CASP4: variants seen among roughly 807,000 people sequenced by gnomAD.
The protein encoded by CASP4 is caspase 4.
In CASP4, 29 loss-of-function variants were observed where a neutral mutation model predicts 41.3. The ratio of observed to expected loss-of-function variants is 0.70; its 90% CI spans 0.52 to 0.96. CASP4 has a LOEUF of 0.96. CASP4 is among the 40% of genes least tolerant of loss of function. The pLI, the probability that CASP4 is intolerant of heterozygous loss-of-function variation, is 0.00. For missense variants in CASP4, 447 were observed against 460.6 expected (o/e 0.97, Z 0.27); for synonymous variants, 185 against 158.4 (o/e 1.17, Z -1.26).
At chr11:104,959,386 C>A (rs1328622544) in intron 1 of CASP4, among the ~76,000 whole-genome samples, 1 of 152,052 alleles carries the variant, frequency 6.6e-6, no homozygotes, top group African/African-American at 2.4e-5. Flanking sequence ...AGACTCTAAA[C>A]AGGTTAAACT....
At chr11:104,962,333 C>T (rs1162952238) in intron 1 of CASP4, among the ~76,000 whole-genome samples, 2 of 152,158 alleles carry the variant, frequency 1.3e-5, no homozygotes, top group Non-Finnish European at 2.9e-5. Context: ...TCTGGTCTCT[C>T]TCTCTTTCTC....
Position 104,954,861 on chromosome 11 carries a change from T to C in CASP4, c.148A>G (p.Thr50Ala), listed in dbSNP as rs1860699040. 1.2e-6 allele frequency: 2 copies of C among 1,613,758 alleles called. No homozygotes were observed. The highest frequency in any genetic ancestry group is 2.2e-5 in the South Asian group (2 of 91,076). Residue 50 changes from threonine to alanine, a missense_variant, in exon 2 of 9, where the codon ACT (threonine) becomes GCT (alanine). Coordinates refer to ENST00000444739, the MANE Select transcript of CASP4 (RefSeq NM_001225.4). The stretch of plus-strand genomic sequence containing the variant: ...GCCATGACCCGAACTTTGTCTTCAG[T>C]TTTAGCATCGTAATATTTCTTTTTT... The part of the protein sequence containing the change: ...EEKKKYYDAK[T>A]EDKVRVMADS...
In CASP4 at chr11:104,954,864, T is replaced by C. The variant is rs1334725990; in HGVS notation, c.145A>G (p.Lys49Glu). Residue 49 changes from lysine (K) to glutamate (E), a missense_variant, in exon 2 of 9, where the codon AAA (lysine) becomes GAA (glutamate). Transcript: ENST00000444739. ...EEEKKKYYDA[K>E]TEDKVRVMAD... ...ATGACCCGAACTTTGTCTTCAGTTTTAGCATCGTAATATTTCTTTTTTTCC... is the reference window on the plus strand; with the variant it reads ...ATGACCCGAACTTTGTCTTCAGTTTCAGCATCGTAATATTTCTTTTTTTCC... The C allele has an allele frequency of 3.1e-6, 5 of 1,613,896 alleles. No individual in the cohort carries two copies. In the Admixed American group the frequency reaches 6.7e-5, roughly 22 times the overall value.
chr11:104,944,955 G>T, intron 7 of CASP4, 104 bp from the exon 8 acceptor site: 1 of 796,982 alleles, frequency 1.3e-6, no homozygotes, highest in East Asian at 2.6e-5. Flanking sequence ...TGAGCTTGCA[G>T]GTTTCATAGA....
chr11:104,942,982 G>A lies in CASP4; in HGVS notation c.*6-9C>T. On this transcript the variant is annotated splice_polypyrimidine_tract_variant and intron_variant, in intron 8 of 8. Coordinates refer to ENST00000444739, the MANE Select transcript of CASP4 (RefSeq NM_001225.4). ...GGGCTGCTTGTGGCTTCCTGCAGGG[G>A]AGAGAAAAAACAGAAGGTCAAGATG... 1 of 454,808 alleles carries A rather than the reference G, an allele frequency of 2.2e-6. No individual in the cohort carries two copies. The highest frequency in any genetic ancestry group is 4.4e-6 in the Non-Finnish European group (1 of 226,834). 28.2% of individuals were successfully genotyped at this position (454,808 alleles called of 1,614,324 possible).
At chr11:104,964,642 A>G (rs1192398112) in intron 1 of CASP4, among the ~76,000 whole-genome samples, 1 of 152,200 alleles carries the variant, frequency 6.6e-6, no homozygotes, top group East Asian at 1.9e-4. Context: ...GAGCCAATAA[A>G]AGCCCCTTGG....
At chr11:104,968,174 G>A (rs1360268147) in intron 1 of CASP4, among the ~76,000 whole-genome samples, 2 of 152,106 alleles carry the variant, frequency 1.3e-5, no homozygotes, top group Non-Finnish European at 2.9e-5. Context: ...TGTGATCTGG[G>A]CAATTAATTT....
At chr11:104,965,541 T>C (rs1392282655) in intron 1 of CASP4, among the ~76,000 whole-genome samples, 1 of 152,192 alleles carries the variant, frequency 6.6e-6, no homozygotes, top group East Asian at 1.9e-4. Flanking sequence ...GTGAAAGAAA[T>C]AAGACCTAAC....
At chr11:104,958,833 C>T (rs56014702) in intron 1 of CASP4, among the ~76,000 whole-genome samples, 23,182 of 151,278 alleles carry the variant, frequency 0.15, 1,960 homozygotes, top group African/African-American at 0.21. Context: ...TGGTGGTGGG[C>T]GCCTGTAATC....
At position 104,954,988 on chromosome 11, in the gene CASP4, T is replaced by G; in HGVS notation, c.21A>C (p.Arg7Ser). The change falls in exon 2 of 9, where the codon AGA becomes AGC. Residue 7 changes from arginine to serine, a missense_variant. Arg to Ser is a moderately radical substitution (Grantham distance 110). Coordinates refer to ENST00000444739, the MANE Select transcript of CASP4 (RefSeq NM_001225.4). ...ATTCCAACACCTTAAGTGGCTTTTT[T>G]CTGTGGTTGCCTTCTGTTAGAAATA... Reference protein sequence around the residue: MAEGNHRKKPLKVLESL... With the variant: MAEGNHSKKPLKVLESL... 6.2e-7 allele frequency: 1 copy of G among 1,613,100 alleles called. No homozygotes were observed. Among genetic ancestry groups the G allele is most frequent in the South Asian group, 1.1e-5 (1 of 91,010 alleles).
At chr11:104,953,516 C>G (rs1860664425) in intron 2 of CASP4, among the ~76,000 whole-genome samples, 1 of 152,076 alleles carries the variant, frequency 6.6e-6, no homozygotes, top group Non-Finnish European at 1.5e-5. Flanking sequence ...AACTAAAAAC[C>G]TGCAAAGGGA....
intron 2 of CASP4, among the ~76,000 whole-genome samples, chr11:104,953,387 C>A (rs2134644235): frequency 6.6e-6 from 1 of 152,256 alleles, no homozygotes; most frequent in South Asian, 2.1e-4. Context: ...ATTGTGATAT[C>A]TGGGTTTGCT....
Position 104,955,136 on chromosome 11 carries a change from A to G in CASP4, c.8-135T>C. On this transcript the variant is annotated intron_variant, in intron 1 of 8. Transcript: ENST00000444739. ...TCACCATCTGTCTTCTTGTACCTAT[A>G]GAGTTCTGTCATTCATCATATTCCT... 15 of 831,566 alleles carry G rather than the reference A, an allele frequency of 1.8e-5. No homozygotes were observed. The South Asian group carries it at 2.7e-4, about 15-fold the overall frequency. 51.5% of individuals were successfully genotyped at this position (831,566 alleles called of 1,614,324 possible). A position where few individuals can be genotyped will look rare whatever the true frequency, so the allele number is the denominator to read the frequency against.
intron 4 of CASP4, 122 bp downstream of exon 4, chr11:104,950,797 TACACAC>T (rs34213327): frequency 2.6e-5 from 12 of 464,982 alleles, no homozygotes; most frequent in Admixed American, 7.3e-5. Context: ...TTATTTTGTA[TACACAC>T]ACACACACAC....
At position 104,964,129 on chromosome 11, in the gene CASP4, A is replaced by G. The variant is rs1165233150; in HGVS notation, c.7+4390T>C. On this transcript the variant is annotated intron_variant, in intron 1 of 8. Transcript: ENST00000444739. Reference sequence around the variant, plus strand: ...AAGTAAGCAAAATTCCTAGTCAATTATAGCTTTAATAGTGTCTATAGACTT... The same window carrying G: ...AAGTAAGCAAAATTCCTAGTCAATTGTAGCTTTAATAGTGTCTATAGACTT... Among the ~76,000 whole-genome samples the G allele has an allele frequency of 3.3e-5, 5 of 152,362 alleles. No homozygotes were observed. The East Asian group carries it at 9.6e-4, about 29-fold the overall frequency.
intron 3 of CASP4, 151 bp from the exon 4 acceptor site, chr11:104,951,249 C>T (rs1170302505): frequency 6.7e-6 from 4 of 596,202 alleles, no homozygotes; most frequent in Non-Finnish European, 1.1e-5. Flanking sequence ...TCTCAAGAAC[C>T]CAGGGAAAGA....
chr11:104,946,085 C>T (rs1412665635), intron 7 of CASP4, among the ~76,000 whole-genome samples: 1 of 152,026 alleles, frequency 6.6e-6, no homozygotes, highest in East Asian at 1.9e-4. Flanking sequence ...GTTCAAGCCA[C>T]TCCACCCTCC....
intron 1 of CASP4, among the ~76,000 whole-genome samples, chr11:104,960,453 T>C (rs1046406976): frequency 2.6e-5 from 4 of 151,892 alleles, no homozygotes; most frequent in African/African-American, 4.8e-5. Context: ...GCATTTTTTT[T>C]CCATTTATTT....
intron 2 of CASP4, among the ~76,000 whole-genome samples, chr11:104,953,272 G>A (rs1860658866): frequency 6.6e-6 from 1 of 152,042 alleles, no homozygotes; most frequent in Non-Finnish European, 1.5e-5. Flanking sequence ...TGCAGATAGA[G>A]CCCAGGGAGA....
Sources: gnomAD v4.1 joint callset for allele counts (sites outside exome capture counted in the v4.1 genomes callset) on GRCh38, gnomAD v4.1.1 for gene constraint, MANE v1.5 for transcripts, NCBI Gene and HGNC (gene_info 2026-07-23, HGNC 2026-07-21) for gene names.